Variants in PCDH7 observed in about 807,000 individuals in gnomAD.
PCDH7 encodes the protein protocadherin-7.
A neutral mutation model predicts 58.9 loss-of-function variants in PCDH7; 17 were observed. The observed-to-expected ratio is 0.29, with a 90% confidence interval of 0.20 to 0.43. The LOEUF is 0.43. Among genes scored for constraint, PCDH7 ranks in the 20% least tolerant of loss-of-function variants. The pLI is 1.00. For missense variants in PCDH7, 1,274 were observed against 1,441.0 expected, an observed-to-expected ratio of 0.88 and a Z score of 1.88; for synonymous variants, 664 against 616.4, an observed-to-expected ratio of 1.08 and a Z score of -1.14.
At chr4:30,815,468 G>A (rs1727555926) in intron 1 of PCDH7, among the ~76,000 whole-genome samples, 1 of 152,154 alleles carries the variant, frequency 6.6e-6, no homozygotes, top group African/African-American at 2.4e-5. Flanking sequence ...CCTTGACTTG[G>A]GGTTTTATAC....
At chr4:30,742,641 T>C (rs1717230860) in intron 1 of PCDH7, among the ~76,000 whole-genome samples, 1 of 152,154 alleles carries the variant, frequency 6.6e-6, no homozygotes, top group African/African-American at 2.4e-5. Flanking sequence ...AATTATTATA[T>C]CATGCATATT....
At chr4:30,959,088 C>T (rs911563789) in intron 3 of PCDH7, among the ~76,000 whole-genome samples, 8 of 151,930 alleles carry the variant, frequency 5.3e-5, no homozygotes, top group Non-Finnish European at 1.2e-4. Flanking sequence ...ACTAGATTTT[C>T]CAAAGATGTT....
At chr4:31,066,565 C>G (rs1405872763) in intron 3 of PCDH7, among the ~76,000 whole-genome samples, 2 of 151,910 alleles carry the variant, frequency 1.3e-5, no homozygotes, top group African/African-American at 4.8e-5. Context: ...ACTTACCCGT[C>G]TCTCAGATGC....
intron 1 of PCDH7, among the ~76,000 whole-genome samples, chr4:30,818,238 G>A (rs370019029): frequency 3.5e-4 from 53 of 151,964 alleles, no homozygotes; most frequent in Non-Finnish European, 2.6e-4. Flanking sequence ...ACCCAGCTTG[G>A]GATATATATG....
intron 3 of PCDH7, among the ~76,000 whole-genome samples, chr4:30,975,143 T>TCGTGTG (rs1749955705): frequency 7.2e-6 from 1 of 138,764 alleles, no homozygotes; most frequent in Admixed American, 7.4e-5. Context: ...TTCCCTTTCA[T>TCGTGTG]TGTGTGTGTG....
intron 3 of PCDH7, among the ~76,000 whole-genome samples, chr4:30,955,981 G>A (rs1339054835): frequency 6.6e-6 from 1 of 150,616 alleles, no homozygotes; most frequent in Non-Finnish European, 1.5e-5. Flanking sequence ...TCAGGAGATC[G>A]AGACCATCCT....
At chr4:31,132,335 T>C (rs896477518) in intron 3 of PCDH7, among the ~76,000 whole-genome samples, 3 of 152,110 alleles carry the variant, frequency 2.0e-5, no homozygotes, top group Non-Finnish European at 4.4e-5. Context: ...ATAGCAAAGA[T>C]AAAATGAGCG....
intron 1 of PCDH7, among the ~76,000 whole-genome samples, chr4:30,744,197 A>T (rs1213622994): frequency 6.6e-6 from 1 of 152,162 alleles, no homozygotes; most frequent in Non-Finnish European, 1.5e-5. Flanking sequence ...TAGGATTTTA[A>T]ACACTGAATG....
At position 30,909,908 on chromosome 4, in the gene PCDH7, C is replaced by T. The variant is rs558395537; in HGVS notation, c.71-10245C>T. Among the ~76,000 whole-genome samples the T allele has an allele frequency of 8.5e-5, 13 of 152,276 alleles. No individual in the cohort carries two copies. The South Asian group carries it at 1.2e-3, about 15-fold the overall frequency. On this transcript the variant is annotated intron_variant, in intron 1 of 3. Transcript: ENST00000509759. ...AAAGAACAAAGATGGAGGCATCACG[C>T]TACTTGACTTCAAACTATACTACAA...
chr4:30,766,764 A>T (rs1720809191), intron 1 of PCDH7, among the ~76,000 whole-genome samples: 2 of 152,136 alleles, frequency 1.3e-5, no homozygotes, highest in Non-Finnish European at 2.9e-5. Flanking sequence ...TTATTTTGAT[A>T]GAAAATTACC....
At chr4:31,115,288 TA>T (rs1300236604) in intron 3 of PCDH7, among the ~76,000 whole-genome samples, 1 of 152,278 alleles carries the variant, frequency 6.6e-6, no homozygotes, top group East Asian at 1.9e-4. Flanking sequence ...AAATGATTTT[TA>T]AAAGTATGTT....
intron 3 of PCDH7, among the ~76,000 whole-genome samples, chr4:31,059,132 A>C: frequency 6.6e-6 from 1 of 151,916 alleles, no homozygotes; most frequent in East Asian, 1.9e-4. Context: ...ATTATGTCTT[A>C]AGATCATTTT....
intron 1 of PCDH7, among the ~76,000 whole-genome samples, chr4:30,827,025 T>A (rs1177151294): frequency 6.6e-6 from 1 of 152,186 alleles, no homozygotes; most frequent in Admixed American, 6.6e-5. Flanking sequence ...AGTCAATGTG[T>A]ATATAAACAA....
chr4:31,028,827 T>G (rs1560587016), intron 3 of PCDH7, among the ~76,000 whole-genome samples: 1 of 152,120 alleles, frequency 6.6e-6, no homozygotes. Context: ...TAGAATAATT[T>G]GAGGCTTTGG....
At chr4:31,046,447 T>C (rs564131730) in intron 3 of PCDH7, among the ~76,000 whole-genome samples, 8 of 152,048 alleles carry the variant, frequency 5.3e-5, no homozygotes, top group Non-Finnish European at 1.2e-4. Context: ...CTCCCTAATA[T>C]AATATACTTT....
chr4:30,988,370 T>C (rs1042063635), intron 3 of PCDH7, among the ~76,000 whole-genome samples: 1 of 152,182 alleles, frequency 6.6e-6, no homozygotes, highest in African/African-American at 2.4e-5. Flanking sequence ...GTAGACAGAA[T>C]AGTCACCTAC....
chr4:30,946,842 T>A (rs1560524963), intron 2 of PCDH7, among the ~76,000 whole-genome samples: 1 of 151,960 alleles, frequency 6.6e-6, no homozygotes. Context: ...CCCAAGTAGC[T>A]GGGATTACAG....
Position 31,014,250 on chromosome 4 carries a change from G to T in PCDH7, c.*7+64035G>T, listed in dbSNP as rs150523731. ...TAATTATAAAAATGCTTGGAATGCT[G>T]CCATTAAAGAATGAATTGTATATAT... On this transcript the variant is annotated intron_variant, in intron 3 of 3. Coordinates refer to the PCDH7 transcript ENST00000509759. Among the ~76,000 whole-genome samples, 33 of 152,148 alleles carry T rather than the reference G, an allele frequency of 2.2e-4. No homozygotes were observed. In the East Asian group the frequency reaches 6.0e-3, roughly 28 times the overall value.
chr4:31,034,029 G>A (rs1755179551), intron 3 of PCDH7, among the ~76,000 whole-genome samples: 1 of 152,150 alleles, frequency 6.6e-6, no homozygotes. Context: ...GGGAGGCAGA[G>A]GTTGCAGTGC....
Sources: allele counts gnomAD v4.1 joint callset (sites outside exome capture counted in the v4.1 genomes callset), GRCh38; gene constraint gnomAD v4.1.1; transcripts MANE v1.5; gene names NCBI Gene and HGNC (gene_info 2026-07-23, HGNC 2026-07-21).